Variants in UGT2B4 observed in about 807,000 individuals in gnomAD.
The protein encoded by UGT2B4 is UDP glucuronosyltransferase family 2 member B4.
UGT2B4 carries 49 observed loss-of-function variants against 49.8 expected under a neutral mutation model. That is an observed-to-expected ratio of 0.98 (90% CI 0.78 to 1.25). The LOEUF (loss-of-function observed/expected upper bound fraction) is 1.25. Ranked by LOEUF, UGT2B4 falls within the 50% of genes most tolerant of loss-of-function variation. The probability of loss-of-function intolerance (pLI) is 0.00; values close to 1 mark genes in which losing one functional copy is unlikely to be tolerated. For missense variants in UGT2B4, 729 were observed against 627.7 expected, an observed-to-expected ratio of 1.16 and a Z score of -1.73; for synonymous variants, 246 against 217.7, an observed-to-expected ratio of 1.13 and a Z score of -1.14.
intron 1 of UGT2B4, among the ~76,000 whole-genome samples, chr4:69,506,957 G>T (rs1457241382): frequency 1.6e-4 from 25 of 152,100 alleles, no homozygotes; most frequent in Admixed American, 1.6e-3. Flanking sequence ...CATATAAACA[G>T]AACTAAATAC....
At chr4:69,493,499 T>A (rs1728054415) in intron 2 of UGT2B4, among the ~76,000 whole-genome samples, 194 bp downstream of exon 2, 1 of 152,156 alleles carries the variant, frequency 6.6e-6, no homozygotes, top group Non-Finnish European at 1.5e-5. Context: ...CTCTTTAGTA[T>A]CCCTCTTTAT....
intron 5 of UGT2B4, among the ~76,000 whole-genome samples, chr4:69,483,852 T>C (rs1368056655): frequency 1.3e-5 from 2 of 152,130 alleles, no homozygotes; most frequent in African/African-American, 2.4e-5. Flanking sequence ...TCATCAAAAA[T>C]GTAAAATGTT....
At chr4:69,491,991 T>G (rs1227751783) in intron 2 of UGT2B4, among the ~76,000 whole-genome samples, 1 of 152,122 alleles carries the variant, frequency 6.6e-6, no homozygotes, top group Non-Finnish European at 1.5e-5. Context: ...AATGCTTACT[T>G]TCTACCTATT....
intron 1 of UGT2B4, among the ~76,000 whole-genome samples, chr4:69,501,354 G>A (rs1485814160): frequency 1.3e-5 from 2 of 152,024 alleles, no homozygotes; most frequent in Admixed American, 1.3e-4. Flanking sequence ...CCTATTGGGC[G>A]GGACCTCCAA....
intron 1 of UGT2B4, among the ~76,000 whole-genome samples, chr4:69,508,064 T>C (rs1728519986): frequency 2.0e-5 from 3 of 152,090 alleles, no homozygotes; most frequent in African/African-American, 7.2e-5. Context: ...CAAAAGAAGA[T>C]ATACCTGCAT....
At chr4:69,515,909 T>A (rs1473490188) in intron 1 of UGT2B4, among the ~76,000 whole-genome samples, 1 of 152,316 alleles carries the variant, frequency 6.6e-6, no homozygotes, top group Non-Finnish European at 1.5e-5. Context: ...GGGAAACATG[T>A]ACCATAGTGG....
At chr4:69,524,140 T>A (rs1319692209) in intron 1 of UGT2B4, among the ~76,000 whole-genome samples, 16 of 152,172 alleles carry the variant, frequency 1.1e-4, no homozygotes, top group Non-Finnish European at 1.2e-4. Context: ...TTGCCATTTG[T>A]ACATTCACTG....
At chr4:69,513,727 T>G (rs571268351) in intron 1 of UGT2B4, among the ~76,000 whole-genome samples, 1 of 152,334 alleles carries the variant, frequency 6.6e-6, no homozygotes, top group East Asian at 1.9e-4. Context: ...GTTTTTCTAT[T>G]TGTGTCCTCT....
At chr4:69,481,845 C>T (rs1240266272) in intron 5 of UGT2B4, among the ~76,000 whole-genome samples, 1 of 152,192 alleles carries the variant, frequency 6.6e-6, no homozygotes, top group Non-Finnish European at 1.5e-5. Context: ...TGCTCTGCTT[C>T]TATTCTACTC....
upstream of UGT2B4, among the ~76,000 whole-genome samples, chr4:69,497,807 G>T (rs1414117915): frequency 6.6e-6 from 1 of 152,192 alleles, no homozygotes; most frequent in Admixed American, 6.5e-5. Flanking sequence ...TTCCAGTTTT[G>T]AAAGAAGTAC....
chr4:69,499,779 G>C (rs1055655349), upstream of UGT2B4, among the ~76,000 whole-genome samples: 11 of 152,202 alleles, frequency 7.2e-5, no homozygotes, highest in Admixed American at 5.9e-4. Context: ...TGGGTCTGTT[G>C]CATACAGCAT....
intron 1 of UGT2B4, among the ~76,000 whole-genome samples, chr4:69,519,061 G>A (rs1206430127): frequency 2.0e-5 from 3 of 152,150 alleles, no homozygotes; most frequent in Non-Finnish European, 4.4e-5. Context: ...TTCCCAGTGG[G>A]TATGGATCAC....
Position 69,480,656 on chromosome 4 carries a change from C to T in UGT2B4, c.1565G>A (p.Gly522Glu), listed in dbSNP as rs752000647. ...TAATTAATCTCTTTTCCCCTTCTTT[C>T]CTGTTCTAACAAACTTCCAGACACA... is the stretch of plus-strand genomic sequence containing the variant. Reference protein sequence around the residue: ...LFCVWKFVRTGKKGKRD With the variant: ...LFCVWKFVRTEKKGKRD The change falls in exon 6 of 6, where the codon GGA becomes GAA. Residue 522 changes from glycine to glutamate, a missense_variant. Transcript: ENST00000305107. 1 of 1,614,050 alleles carries T rather than the reference C, an allele frequency of 6.2e-7. No individual in the cohort carries two copies. The highest frequency in any genetic ancestry group is 8.5e-7 in the Non-Finnish European group (1 of 1,179,976).
At chr4:69,489,831 T>C (rs1250494895) in intron 2 of UGT2B4, among the ~76,000 whole-genome samples, 1 of 152,084 alleles carries the variant, frequency 6.6e-6, no homozygotes, top group Non-Finnish European at 1.5e-5. Context: ...ATAGAGTTAT[T>C]ACACAGTATT....
chr4:69,502,091 CT>C (rs1728335912), intron 1 of UGT2B4, among the ~76,000 whole-genome samples: 2 of 108,418 alleles, frequency 1.8e-5, no homozygotes, highest in African/African-American at 6.9e-5. Flanking sequence ...TTCTTTCTCT[CT>C]CTTTCTTTCT....
upstream of UGT2B4, among the ~76,000 whole-genome samples, chr4:69,500,618 A>C (rs140695345): frequency 0.19 from 15,920 of 82,156 alleles, 1,231 homozygotes; most frequent in East Asian, 0.52. Flanking sequence ...AGAAAGAAAG[A>C]AAGAAAGAAA....
rs1285132372 is a variant in UGT2B4 at position 69,495,643 on chromosome 4, T to C, written c.219A>G (p.Lys73=). ...TTAAAGATACAGGATAAACTTCAAATTTAAGAGTAGATGGGCTGTTGGGAT... is the reference window on the plus strand; with the variant it reads ...TTAAAGATACAGGATAAACTTCAAACTTAAGAGTAGATGGGCTGTTGGGAT... ...SFDPNSPSTL[K]FEVYPVSLTK... The change falls in exon 1 of 6, where the codon AAA becomes AAG. Residue 73 remains lysine (K), a synonymous_variant. Transcript: ENST00000305107. The C allele has an allele frequency of 6.2e-7, 1 of 1,613,972 alleles. No homozygotes were observed. Among genetic ancestry groups the C allele is most frequent in the East Asian group, 2.2e-5 (1 of 44,848 alleles).
intron 1 of UGT2B4, among the ~76,000 whole-genome samples, chr4:69,512,110 A>G (rs1728618698): frequency 6.6e-6 from 1 of 150,574 alleles, no homozygotes; most frequent in South Asian, 2.1e-4. Context: ...TTGTTGATTT[A>G]TTTTCCATTT....
In UGT2B4 at chr4:69,489,446, G is replaced by T. The variant is rs776602181; in HGVS notation, c.995C>A (p.Pro332Gln). Residue 332 changes from proline (P) to glutamine (Q), a missense_variant, in exon 3 of 6, where the codon CCA becomes CAA. Coordinates refer to ENST00000305107, the MANE Select transcript of UGT2B4 (RefSeq NM_021139.3). Reference sequence around the variant, plus strand: ...TAAAACATTTTATCTTACCTTTTGTGGGATCTTGGCAAGGGCTGATGCAAT... The same window carrying T: ...TAAAACATTTTATCTTACCTTTTGTTGGATCTTGGCAAGGGCTGATGCAAT... ...NVIASALAKI[P>Q]QKVLWRFDGN... 2 of 1,610,632 alleles carry T rather than the reference G, an allele frequency of 1.2e-6. No individual in the cohort carries two copies. Among genetic ancestry groups the T allele is most frequent in the South Asian group, 2.2e-5 (2 of 90,992 alleles).
Sources: allele counts gnomAD v4.1 joint callset (sites outside exome capture counted in the v4.1 genomes callset), GRCh38; gene constraint gnomAD v4.1.1; transcripts MANE v1.5; gene names NCBI Gene and HGNC (gene_info 2026-07-23, HGNC 2026-07-21).